The following PID1 variants were observed in gnomAD, a reference collection of about 807,000 sequenced individuals.
PID1 encodes the protein PTB-containing, cubilin and LRP1-interacting protein.
In PID1, 10 loss-of-function variants were observed where a neutral mutation model predicts 19.1. That is an observed-to-expected ratio of 0.52 (90% confidence interval 0.32 to 0.89). The LOEUF (loss-of-function observed/expected upper bound fraction) is 0.89, where lower values mean the gene tolerates loss of function less well. Among genes scored for constraint, PID1 ranks in the 40% least tolerant of loss-of-function variants. The pLI, the probability that PID1 is intolerant of heterozygous loss-of-function variation, is 0.03. For missense variants in PID1, 248 were observed against 285.3 expected, an observed-to-expected ratio of 0.87 and a Z score of 0.94; for synonymous variants, 130 against 116.0, an observed-to-expected ratio of 1.12 and a Z score of -0.78.
chr2:229,042,179 AAAGATAG>A (rs1456550814), intron 2 of PID1, among the ~76,000 whole-genome samples: 1 of 152,220 alleles, frequency 6.6e-6, no homozygotes, highest in Non-Finnish European at 1.5e-5. Context: ...TGTAAGAGAA[AAAGATAG>A]AAATATACAC....
intron 2 of PID1, among the ~76,000 whole-genome samples, chr2:229,121,261 C>T (rs1695512682): frequency 6.6e-6 from 1 of 152,114 alleles, no homozygotes; most frequent in Non-Finnish European, 1.5e-5. Context: ...GATGGGGTCT[C>T]AGACAGTAAT....
rs60513006 is a variant in PID1, at chr2:229,134,231, G to GTTTTTTTTTTTTTTTT, written c.177+21571_177+21586dup. 1.2e-3 allele frequency among the ~76,000 whole-genome samples: 131 copies of GTTTTTTTTTTTTTTTT among 109,194 alleles called. 6 individuals are homozygous for GTTTTTTTTTTTTTTTT. The highest frequency in any genetic ancestry group is 3.9e-3 in the African/African-American group (108 of 27,860). The allele number at this position is 109,194 out of a possible 152,430, so 71.6% of individuals were successfully genotyped here. A position where few individuals can be genotyped will look rare whatever the true frequency, so the allele number is the denominator to read the frequency against. On this transcript the variant is annotated intron_variant, in intron 2 of 2. Coordinates refer to ENST00000392055, the MANE Select transcript of PID1 (RefSeq NM_001100818.2). Reference sequence around the variant, plus strand: ...TTCAATAACAATGTTTACTACCTGTGTTTTTTTTTTTTTTTTTTTTTGAGA... The same window carrying GTTTTTTTTTTTTTTTT: ...TTCAATAACAATGTTTACTACCTGTGTTTTTTTTTTTTTTTTTTTTTTTTTTTTTTTTTTTTTGAGA...
chr2:229,064,037 G>C (rs1244454955), intron 2 of PID1, among the ~76,000 whole-genome samples: 1 of 152,118 alleles, frequency 6.6e-6, no homozygotes, highest in East Asian at 1.9e-4. Context: ...AACTGAAAAG[G>C]GTGAGAGAAA....
chr2:229,214,136 G>A (rs1172035907), intron 1 of PID1, among the ~76,000 whole-genome samples: 1 of 152,158 alleles, frequency 6.6e-6, no homozygotes, highest in African/African-American at 2.4e-5. Context: ...TTGTTAGGTA[G>A]CATAACTTTT....
At chr2:229,085,369 G>A (rs554353015) in intron 2 of PID1, among the ~76,000 whole-genome samples, 6 of 152,128 alleles carry the variant, frequency 3.9e-5, no homozygotes, top group East Asian at 1.9e-4. Flanking sequence ...TCTGACCTCC[G>A]TAAGAACATG....
chr2:229,186,595 GCA>G, intron 1 of PID1, among the ~76,000 whole-genome samples: 1 of 152,176 alleles, frequency 6.6e-6, no homozygotes, highest in African/African-American at 2.4e-5. Context: ...AGGACACAGG[GCA>G]CCAAGTCCCT....
At chr2:229,097,758 T>C (rs1694999231) in intron 2 of PID1, among the ~76,000 whole-genome samples, 1 of 152,164 alleles carries the variant, frequency 6.6e-6, no homozygotes, top group African/African-American at 2.4e-5. Context: ...CCGAAAAAGC[T>C]GAAAGTTTTC....
intron 2 of PID1, among the ~76,000 whole-genome samples, chr2:229,062,365 T>C (rs1201398153): frequency 1.3e-5 from 2 of 152,058 alleles, no homozygotes; most frequent in Admixed American, 6.6e-5. Flanking sequence ...TGTCCTTCAT[T>C]TTGTTAATAT....
intron 2 of PID1, among the ~76,000 whole-genome samples, chr2:229,071,506 C>G (rs530225893): frequency 1.3e-5 from 2 of 152,166 alleles, no homozygotes; most frequent in East Asian, 3.8e-4. Context: ...CTGTTATTAT[C>G]CCAATTTACA....
intron 1 of PID1, among the ~76,000 whole-genome samples, chr2:229,223,964 T>C (rs1692026012): frequency 6.6e-6 from 1 of 152,218 alleles, no homozygotes; most frequent in Admixed American, 6.5e-5. Flanking sequence ...CCCCAGTCTC[T>C]ACTGTTTCCA....
chr2:229,108,402 C>G (rs1370870572), intron 2 of PID1, among the ~76,000 whole-genome samples: 2 of 152,148 alleles, frequency 1.3e-5, no homozygotes, highest in Non-Finnish European at 2.9e-5. Context: ...CATGGGGGAG[C>G]AAACAGTGAC....
intron 1 of PID1, among the ~76,000 whole-genome samples, chr2:229,178,032 AGCTT>A (rs1559270774): frequency 1.3e-5 from 2 of 152,090 alleles, no homozygotes; most frequent in African/African-American, 4.8e-5. Flanking sequence ...CCCCAGCAGC[AGCTT>A]ACAGGCCCAA....
In PID1 at chr2:229,221,185, G is replaced by A. The variant is rs368054063; in HGVS notation, c.30+49829C>T. The stretch of plus-strand genomic sequence containing the variant: ...GGTATGCCCAAGACTTTCCTAATTT[G>A]GGGAATGAAAGGTCCACATCCAGGG... On this transcript the variant is annotated intron_variant, in intron 1 of 2. Transcript: ENST00000392055. 1.4e-3 allele frequency among the ~76,000 whole-genome samples: 216 copies of A among 152,240 alleles called. 1 individual carries two copies. The highest frequency in any genetic ancestry group is 5.1e-3 in the African/African-American group (210 of 41,550).
intron 2 of PID1, among the ~76,000 whole-genome samples, chr2:229,138,491 G>C (rs966389429): frequency 6.6e-6 from 1 of 152,036 alleles, no homozygotes; most frequent in African/African-American, 2.4e-5. Context: ...GCCTGGAAAA[G>C]AAACAAGATA....
chr2:229,213,768 T>A (rs191634831), intron 1 of PID1, among the ~76,000 whole-genome samples: 1 of 152,206 alleles, frequency 6.6e-6, no homozygotes, highest in African/African-American at 2.4e-5. Flanking sequence ...ATAATTTCTG[T>A]CAATGAGAAA....
At chr2:229,201,144 T>C (rs1454175594) in intron 1 of PID1, among the ~76,000 whole-genome samples, 1 of 152,100 alleles carries the variant, frequency 6.6e-6, no homozygotes, top group African/African-American at 2.4e-5. Flanking sequence ...AAATTTAATA[T>C]CTTCACCATT....
chr2:229,214,550 T>C (rs767020735), intron 1 of PID1, among the ~76,000 whole-genome samples: 69 of 152,190 alleles, frequency 4.5e-4, no homozygotes, highest in Non-Finnish European at 6.2e-4. Flanking sequence ...ATTAGGACAT[T>C]ATTAGAGAAT....
At chr2:229,145,600 T>C (rs1233120898) in intron 2 of PID1, among the ~76,000 whole-genome samples, 8 of 152,076 alleles carry the variant, frequency 5.3e-5, no homozygotes, top group Non-Finnish European at 7.4e-5. Context: ...CATAAAAAGG[T>C]ACTTCTCTCA....
intron 2 of PID1, among the ~76,000 whole-genome samples, chr2:229,127,592 ACATTTTGGGCTAAAT>A (rs1695648784): frequency 6.6e-6 from 1 of 152,114 alleles, no homozygotes; most frequent in Non-Finnish European, 1.5e-5. Context: ...GTCACTACCG[ACATTTTGGGCTAAAT>A]CATTCTTTGT....
Sources: allele counts gnomAD v4.1 joint callset (sites outside exome capture counted in the v4.1 genomes callset), GRCh38; gene constraint gnomAD v4.1.1; transcripts MANE v1.5; gene names NCBI Gene and HGNC (gene_info 2026-07-23, HGNC 2026-07-21).